Variants in MROH9 observed in about 807,000 individuals in gnomAD.
The protein encoded by MROH9 is maestro heat-like repeat-containing protein family member 9.
A neutral mutation model predicts 98.2 loss-of-function variants in MROH9; 92 were observed. That is an observed-to-expected ratio of 0.94 (90% CI 0.79 to 1.11). The LOEUF is 1.11. Among genes scored for constraint, MROH9 ranks in the 50% most tolerant of loss-of-function variants. The probability of loss-of-function intolerance (pLI) is 0.00; values close to 1 mark genes in which losing one functional copy is unlikely to be tolerated. For missense variants in MROH9, 1,057 were observed against 1,014.8 expected (o/e 1.04, Z -0.57); for synonymous variants, 397 against 368.9 (o/e 1.08, Z -0.87).
At position 171,005,603 on chromosome 1, in the gene MROH9, T is replaced by C. The variant is rs145369885; in HGVS notation, c.1596+7329T>C. Among the ~76,000 whole-genome samples the C allele has an allele frequency of 1.5e-3, 226 of 152,358 alleles. 5 individuals are homozygous for C. Among genetic ancestry groups the C allele is most frequent in the Admixed American group, 0.014 (208 of 15,310 alleles). Reference sequence around the variant, plus strand: ...TATTGTTAGTGCATAGAAATGCAACTGACTTTTGTATGTTTATTTTGTATT... The same window carrying C: ...TATTGTTAGTGCATAGAAATGCAACCGACTTTTGTATGTTTATTTTGTATT... On this transcript the variant is annotated intron_variant, in intron 15 of 21. Coordinates refer to ENST00000367759, the MANE Select transcript of MROH9 (RefSeq NM_001163629.2).
chr1:171,028,015 G>A (rs1652784930), intron 20 of MROH9, among the ~76,000 whole-genome samples: 1 of 152,106 alleles, frequency 6.6e-6, no homozygotes, highest in South Asian at 2.1e-4. Flanking sequence ...GTCTTTTGCT[G>A]TGCAGAAGCT....
intron 8 of MROH9, among the ~76,000 whole-genome samples, chr1:170,975,585 A>G (rs1399524833): frequency 6.6e-6 from 1 of 152,128 alleles, no homozygotes; most frequent in Non-Finnish European, 1.5e-5. Context: ...TCTAATGTCT[A>G]TTAATCTGCT....
chr1:170,938,374 C>G (rs572672269), intron 1 of MROH9, among the ~76,000 whole-genome samples: 6 of 152,166 alleles, frequency 3.9e-5, no homozygotes, highest in Admixed American at 6.5e-5. Context: ...CCCAGGAATC[C>G]TGGTTATAGG....
chr1:170,987,135 G>A lies in MROH9; in HGVS notation c.879+425G>A, dbSNP rs138375295. Among the ~76,000 whole-genome samples the A allele has an allele frequency of 1.1e-4, 16 of 152,298 alleles. No individual in the cohort carries two copies. In the East Asian group the frequency reaches 3.1e-3, roughly 29 times the overall value. ...GCCTCCCAAAGCATGAGGGTTACAGGCATGAGCCACCATGCCTGGCCTGAG... is the reference window on the plus strand; with the variant it reads ...GCCTCCCAAAGCATGAGGGTTACAGACATGAGCCACCATGCCTGGCCTGAG... On this transcript the variant is annotated intron_variant, in intron 10 of 21. Coordinates refer to ENST00000367759, the MANE Select transcript of MROH9 (RefSeq NM_001163629.2).
At chr1:171,051,764 T>A (rs1653671927) in intron 20 of MROH9, among the ~76,000 whole-genome samples, 1 of 152,212 alleles carries the variant, frequency 6.6e-6, no homozygotes, top group Non-Finnish European at 1.5e-5. Context: ...AATTTAAATT[T>A]AATTTTAAAA....
chr1:171,051,343 A>G lies in MROH9; in HGVS notation c.2282-10789A>G, dbSNP rs562050455. On this transcript the variant is annotated intron_variant, in intron 20 of 21. Transcript: ENST00000367759. ...GCAAAGACATAGAATAAGCCTAAAC[A>G]TCCATCAATACTAGATTAGATAAAG... Among the ~76,000 whole-genome samples, 8 of 152,252 alleles carry G rather than the reference A, an allele frequency of 5.3e-5. 1 individual carries two copies. In the South Asian group the frequency reaches 6.2e-4, roughly 12 times the overall value.
intron 20 of MROH9, among the ~76,000 whole-genome samples, chr1:171,027,935 A>T (rs1035412437): frequency 4.6e-5 from 7 of 152,162 alleles, no homozygotes; most frequent in Admixed American, 1.3e-4. Flanking sequence ...GATTCTGGAT[A>T]TTAGACCTTT....
intron 15 of MROH9, among the ~76,000 whole-genome samples, chr1:171,006,840 G>A (rs1444173187): frequency 1.4e-5 from 2 of 139,570 alleles, no homozygotes; most frequent in Admixed American, 7.0e-5. Flanking sequence ...TTAATTAAGT[G>A]TCTCTTTCTG....
At chr1:170,950,002 T>C (rs1027894997) in intron 3 of MROH9, among the ~76,000 whole-genome samples, 3 of 152,074 alleles carry the variant, frequency 2.0e-5, no homozygotes, top group African/African-American at 7.2e-5. Flanking sequence ...ATGCTGTAAG[T>C]GCTTTAAATG....
chr1:171,039,580 A>G (rs1653228795), intron 20 of MROH9, among the ~76,000 whole-genome samples: 1 of 152,176 alleles, frequency 6.6e-6, no homozygotes, highest in Non-Finnish European at 1.5e-5. Context: ...TATCATAGAC[A>G]TATCCTCCCG....
chr1:171,020,198 G>A (rs1328484113), intron 17 of MROH9, among the ~76,000 whole-genome samples: 1 of 152,100 alleles, frequency 6.6e-6, no homozygotes, highest in South Asian at 2.1e-4. Context: ...AAGAGGAGCT[G>A]GCATCATTCC....
rs566517817 is a variant in MROH9 at position 170,982,387 on chromosome 1, G to A, written c.617-1035G>A. On this transcript the variant is annotated intron_variant, in intron 8 of 21. Coordinates refer to ENST00000367759, the MANE Select transcript of MROH9 (RefSeq NM_001163629.2). ...GGTATGATCCACTTATATAAAATTA[G>A]AAAGTACCAACTTGACAGAGAGCAG... Among the ~76,000 whole-genome samples the A allele has an allele frequency of 2.6e-5, 4 of 152,238 alleles. No homozygotes were observed. The South Asian group carries it at 8.3e-4, about 32-fold the overall frequency.
chr1:170,958,040 A>C (rs770469130), intron 3 of MROH9, among the ~76,000 whole-genome samples: 1 of 151,090 alleles, frequency 6.6e-6, no homozygotes, highest in Non-Finnish European at 1.5e-5. Context: ...CGATCTCCTG[A>C]CCTCGTGGTC....
chr1:171,003,249 G>A (rs571534989), intron 15 of MROH9, among the ~76,000 whole-genome samples: 1 of 152,198 alleles, frequency 6.6e-6, no homozygotes, highest in Admixed American at 6.5e-5. Context: ...AGGAAAATCA[G>A]GGATTTCTTC....
At chr1:170,941,966 A>C (rs1205319855) in intron 1 of MROH9, among the ~76,000 whole-genome samples, 2 of 152,186 alleles carry the variant, frequency 1.3e-5, no homozygotes, top group African/African-American at 2.4e-5. Flanking sequence ...TGTTTTAGCC[A>C]ATCAACCAAA....
At chr1:171,028,400 A>T (rs1371829557) in intron 20 of MROH9, among the ~76,000 whole-genome samples, 1 of 152,128 alleles carries the variant, frequency 6.6e-6, no homozygotes, top group South Asian at 2.1e-4. Flanking sequence ...CTGCTTTGGT[A>T]CCAGTACCAT....
chr1:171,062,902 C>T (rs1396733359), intron 21 of MROH9, among the ~76,000 whole-genome samples: 1 of 152,114 alleles, frequency 6.6e-6, no homozygotes, highest in Non-Finnish European at 1.5e-5. Context: ...TAGCCTCCCC[C>T]ATTATCGACA....
intron 5 of MROH9, among the ~76,000 whole-genome samples, chr1:170,960,482 A>G (rs1649976839): frequency 6.6e-6 from 1 of 152,226 alleles, no homozygotes; most frequent in Non-Finnish European, 1.5e-5. Flanking sequence ...TTAATGTTAC[A>G]TATATTTTAT....
intron 15 of MROH9, among the ~76,000 whole-genome samples, chr1:171,007,763 A>G (rs1464207332): frequency 6.6e-6 from 1 of 152,170 alleles, no homozygotes; most frequent in Non-Finnish European, 1.5e-5. Context: ...CAGGGCACAA[A>G]GACATAACCA....
Sources: allele counts gnomAD v4.1 joint callset (sites outside exome capture counted in the v4.1 genomes callset), GRCh38; gene constraint gnomAD v4.1.1; transcripts MANE v1.5; gene names NCBI Gene and HGNC (gene_info 2026-07-23, HGNC 2026-07-21).